Variants in TENM2 observed in about 807,000 individuals in gnomAD.
TENM2 encodes the protein teneurin-2.
In TENM2, 52 loss-of-function variants were observed where a neutral mutation model predicts 245.2. The observed-to-expected ratio is 0.21, with a 90% CI of 0.17 to 0.27. TENM2 has a LOEUF of 0.27. Ranked by LOEUF, TENM2 falls within the 10% of genes least tolerant of loss-of-function variation. The pLI is 1.00. For missense variants in TENM2, 3,046 were observed against 3,666.8 expected (o/e 0.83, Z 4.37); for synonymous variants, 1,363 against 1,438.9 (o/e 0.95, Z 1.19).
intron 2 of TENM2, among the ~76,000 whole-genome samples, chr5:167,686,131 T>A (rs1275715619): frequency 6.6e-6 from 1 of 152,214 alleles, no homozygotes; most frequent in African/African-American, 2.4e-5. Context: ...TCACTTACTA[T>A]TATTTTCCAA....
At chr5:167,781,917 G>A (rs189752047) in intron 2 of TENM2, among the ~76,000 whole-genome samples, 88 of 152,202 alleles carry the variant, frequency 5.8e-4, no homozygotes, top group Middle Eastern at 3.4e-3. Flanking sequence ...GCTGAGGCAG[G>A]TGAATCAATT....
chr5:167,680,823 T>G (rs2150375068), intron 2 of TENM2, among the ~76,000 whole-genome samples: 1 of 152,326 alleles, frequency 6.6e-6, no homozygotes, highest in South Asian at 2.1e-4. Context: ...ACTGAGTTTT[T>G]TATAGGCATT....
intron 1 of TENM2, among the ~76,000 whole-genome samples, chr5:167,344,836 C>T (rs1373380022): frequency 6.6e-6 from 1 of 152,066 alleles, no homozygotes; most frequent in Non-Finnish European, 1.5e-5. Context: ...GGAGTCCCCA[C>T]AGAAAGCAGT....
chr5:168,156,262 A>AAAAAAAAAC (rs1026280502), intron 12 of TENM2, among the ~76,000 whole-genome samples: 4 of 149,046 alleles, frequency 2.7e-5, no homozygotes, highest in African/African-American at 7.6e-5. Flanking sequence ...AAAAAAAAAA[A>AAAAAAAAAC]AAAACACTTT....
At chr5:167,150,832 A>T in the TENM2 span, among the ~76,000 whole-genome samples, 1 of 152,248 alleles carries the variant, frequency 6.6e-6, no homozygotes, top group Non-Finnish European at 1.5e-5. Context: ...AAGCACAATT[A>T]TGTTCAATAT....
At chr5:167,876,139 C>A (rs777362521) in exon 3 of TENM2, 1 of 1,551,586 alleles carries the variant, frequency 6.4e-7, no homozygotes, top group South Asian at 1.2e-5. Context: ...GAGGAATTCT[C>A]CCCCAATTCA....
chr5:167,634,450 C>A (rs1263655165), intron 2 of TENM2, among the ~76,000 whole-genome samples: 1 of 150,418 alleles, frequency 6.6e-6, no homozygotes, highest in African/African-American at 2.4e-5. Flanking sequence ...AAAGAAGGTG[C>A]TCCATAAATA....
rs540308969 is a variant in TENM2, at chr5:167,571,500, C to T, written c.502+196027C>T. Among the ~76,000 whole-genome samples the T allele has an allele frequency of 5.3e-5, 8 of 152,162 alleles. No individual in the cohort carries two copies. The South Asian group carries it at 6.3e-4, about 12-fold the overall frequency. ...TGACTTGGTCACCCCAGTATAATCACCTAGCCCCCCACCCTACTCAAGGTA... is the reference window on the plus strand; with the variant it reads ...TGACTTGGTCACCCCAGTATAATCATCTAGCCCCCCACCCTACTCAAGGTA... On this transcript the variant is annotated intron_variant, in intron 2 of 28. Transcript: ENST00000518659.
At chr5:167,822,224 GA>G (rs368002117) in intron 2 of TENM2, among the ~76,000 whole-genome samples, 10 of 149,374 alleles carry the variant, frequency 6.7e-5, no homozygotes, top group South Asian at 2.1e-4. Flanking sequence ...TGTTTGAAAG[GA>G]AAAAAAAATG....
the TENM2 span, among the ~76,000 whole-genome samples, chr5:167,161,511 T>C: frequency 6.6e-6 from 1 of 152,190 alleles, no homozygotes; most frequent in Non-Finnish European, 1.5e-5. Flanking sequence ...ATGTAAGTTA[T>C]TGTGGAGAAG....
chr5:167,844,846 CAAAA>C (rs34170173), intron 2 of TENM2, among the ~76,000 whole-genome samples: 9 of 136,190 alleles, frequency 6.6e-5, no homozygotes, highest in African/African-American at 1.9e-4. Flanking sequence ...TGGTAGTGGC[CAAAA>C]AAAAAAAAAA....
At chr5:167,814,778 G>T (rs935054565) in intron 2 of TENM2, among the ~76,000 whole-genome samples, 2 of 151,876 alleles carry the variant, frequency 1.3e-5, no homozygotes. Flanking sequence ...AAGATGAAAC[G>T]AAAGTCAGAA....
At chr5:168,170,287 T>C (rs1453851504) in intron 13 of TENM2, among the ~76,000 whole-genome samples, 1 of 152,192 alleles carries the variant, frequency 6.6e-6, no homozygotes, top group Non-Finnish European at 1.5e-5. Context: ...GCAGATCACT[T>C]GAGGTCAGGA....
intron 2 of TENM2, among the ~76,000 whole-genome samples, chr5:167,776,724 T>A (rs899286102): frequency 6.6e-6 from 1 of 150,448 alleles, no homozygotes; most frequent in Non-Finnish European, 1.5e-5. Flanking sequence ...TCTCTTTGAG[T>A]GTGGGATTGT....
At chr5:167,419,106 C>T (rs1389682831) in intron 2 of TENM2, among the ~76,000 whole-genome samples, 1 of 136,604 alleles carries the variant, frequency 7.3e-6, no homozygotes, top group Non-Finnish European at 1.6e-5. Flanking sequence ...TATACACACA[C>T]ACATGAAAAC....
chr5:167,351,057 A>G (rs372057528), intron 1 of TENM2, among the ~76,000 whole-genome samples: 1 of 141,020 alleles, frequency 7.1e-6, no homozygotes, highest in African/African-American at 2.6e-5. Context: ...TATATGGGAT[A>G]TATACATATG....
the TENM2 span, among the ~76,000 whole-genome samples, chr5:167,175,150 A>G: frequency 6.6e-6 from 1 of 152,356 alleles, no homozygotes; most frequent in East Asian, 1.9e-4. Context: ...GAACACCGAC[A>G]TCCCTATTGG....
At chr5:168,184,153 G>T (rs973682036) in intron 13 of TENM2, among the ~76,000 whole-genome samples, 8 of 152,144 alleles carry the variant, frequency 5.3e-5, no homozygotes, top group African/African-American at 1.9e-4. Context: ...ACATCCTATC[G>T]ATGGGTCAGA....
intron 12 of TENM2, among the ~76,000 whole-genome samples, chr5:168,134,465 C>T (rs549777150): frequency 1.3e-5 from 2 of 152,140 alleles, no homozygotes; most frequent in Non-Finnish European, 2.9e-5. Context: ...GCGGGTGGAT[C>T]GCCTGAGGTC....
Sources: gnomAD v4.1 joint callset for allele counts (sites outside exome capture counted in the v4.1 genomes callset) on GRCh38, gnomAD v4.1.1 for gene constraint, MANE v1.5 for transcripts, NCBI Gene and HGNC (gene_info 2026-07-23, HGNC 2026-07-21) for gene names.